The following CTNNA2 variants were observed in gnomAD, a reference collection of about 807,000 sequenced individuals.
CTNNA2 encodes catenin alpha 2.
CTNNA2 carries 42 observed loss-of-function variants against 101.0 expected under a neutral mutation model. The ratio of observed to expected loss-of-function variants is 0.42; its 90% confidence interval spans 0.32 to 0.54. The LOEUF (loss-of-function observed/expected upper bound fraction) is 0.54, where lower values mean the gene tolerates loss of function less well. Among genes scored for constraint, CTNNA2 ranks in the 20% least tolerant of loss-of-function variants. The pLI is 0.14. For synonymous variants in CTNNA2, 450 were observed against 456.4 expected, an observed-to-expected ratio of 0.99 and a Z score of 0.18; for missense variants, 871 against 1,223.1, an observed-to-expected ratio of 0.71 and a Z score of 4.29.
chr2:80,575,338 A>G (rs1343002324), intron 13 of CTNNA2: 1 of 152,184 alleles, frequency 6.6e-6, no homozygotes, highest in Non-Finnish European at 1.5e-5. Context: ...TTATTTAACC[A>G]AATGTATCCA....
chr2:79,521,886 G>T (rs935403866), intron 1 of CTNNA2, among the ~76,000 whole-genome samples: 10 of 152,042 alleles, frequency 6.6e-5, no homozygotes, highest in African/African-American at 2.4e-4. Flanking sequence ...CTGGACCCAA[G>T]GGAACAATTT....
chr2:80,179,530 C>A (rs1705625729), intron 7 of CTNNA2, among the ~76,000 whole-genome samples: 1 of 152,116 alleles, frequency 6.6e-6, no homozygotes, highest in Admixed American at 6.5e-5. Flanking sequence ...CCCGCCACCA[C>A]ACCGGGCTAA....
chr2:79,496,659 T>A (rs535435175), intron 4 of CTNNA2, among the ~76,000 whole-genome samples: 10 of 152,000 alleles, frequency 6.6e-5, no homozygotes, highest in Non-Finnish European at 1.5e-4. Context: ...TTGAATACTT[T>A]TTTATTTTCT....
chr2:80,510,679 ATTGAAAGTAAATCAAT>A (rs1406654997), intron 9 of CTNNA2, among the ~76,000 whole-genome samples: 4 of 152,230 alleles, frequency 2.6e-5, no homozygotes, highest in African/African-American at 7.2e-5. Flanking sequence ...GGCATTTGCC[ATTGAAAGTAAATCAAT>A]TTTCAGGCAA....
chr2:80,260,561 G>A lies in CTNNA2; in HGVS notation c.1057-132650G>A, dbSNP rs375811859. On this transcript the variant is annotated intron_variant, in intron 7 of 18. Coordinates refer to ENST00000402739, the MANE Select transcript of CTNNA2 (RefSeq NM_001282597.3). ...ACCTCTCTTCTTATTTGGTTATTTCGTTGTTTTGTTTTTCAACGCGAGGCT... is the reference window on the plus strand; with the variant it reads ...ACCTCTCTTCTTATTTGGTTATTTCATTGTTTTGTTTTTCAACGCGAGGCT... Among the ~76,000 whole-genome samples, 3 of 152,120 alleles carry A rather than the reference G, an allele frequency of 2.0e-5. No homozygotes were observed. In the South Asian group the frequency reaches 6.2e-4, roughly 32 times the overall value.
At chr2:79,663,939 A>G (rs973063586) in intron 2 of CTNNA2, among the ~76,000 whole-genome samples, 6 of 152,214 alleles carry the variant, frequency 3.9e-5, no homozygotes, top group African/African-American at 1.4e-4. Flanking sequence ...GTTTTCTTCT[A>G]AAGTTAGCTA....
chr2:79,367,150 G>A (rs544511559), intron 3 of CTNNA2, among the ~76,000 whole-genome samples: 16 of 152,218 alleles, frequency 1.1e-4, no homozygotes, highest in African/African-American at 2.4e-4. Flanking sequence ...CTCTACTCCC[G>A]TGCATCACAG....
At chr2:80,250,422 G>A (rs539271813) in intron 7 of CTNNA2, among the ~76,000 whole-genome samples, 5 of 152,210 alleles carry the variant, frequency 3.3e-5, no homozygotes, top group South Asian at 4.2e-4. Context: ...GGGAGTAAAC[G>A]CAAAGATAGA....
chr2:80,103,155 C>T lies in CTNNA2; in HGVS notation c.1056+193358C>T, dbSNP rs1410043898. On this transcript the variant is annotated intron_variant, in intron 7 of 18. Transcript: ENST00000402739. ...TATTAGTCCACTCCAGCCACCATAACAAAGTGCTGCAGACTTGGGGGCTTA... is the reference window on the plus strand; with the variant it reads ...TATTAGTCCACTCCAGCCACCATAATAAAGTGCTGCAGACTTGGGGGCTTA... Among the ~76,000 whole-genome samples the T allele has an allele frequency of 2.6e-5, 4 of 152,172 alleles. No individual in the cohort carries two copies. The East Asian group carries it at 7.7e-4, about 29-fold the overall frequency.
chr2:80,132,325 G>T (rs1013070273), intron 7 of CTNNA2, among the ~76,000 whole-genome samples: 1 of 152,062 alleles, frequency 6.6e-6, no homozygotes, highest in African/African-American at 2.4e-5. Context: ...GGACTTCAAG[G>T]AGTCGTAGAG....
intron 15 of CTNNA2, chr2:80,601,525 T>C (rs956902008): frequency 6.6e-6 from 1 of 151,468 alleles, no homozygotes; most frequent in East Asian, 1.9e-4. Context: ...GTTTTGATAA[T>C]TTATATTCTC....
chr2:80,615,978 G>A (rs1698818499), intron 17 of CTNNA2, among the ~76,000 whole-genome samples: 1 of 151,580 alleles, frequency 6.6e-6, no homozygotes, highest in African/African-American at 2.4e-5. Context: ...TTTCTTGAAG[G>A]CAAGCTTTCT....
intron 7 of CTNNA2, among the ~76,000 whole-genome samples, chr2:80,260,953 T>C (rs1201289999): frequency 6.6e-6 from 1 of 152,126 alleles, no homozygotes; most frequent in Non-Finnish European, 1.5e-5. Context: ...GGGAACCACA[T>C]GTGGAAGGAT....
intron 9 of CTNNA2, among the ~76,000 whole-genome samples, chr2:80,475,054 T>C (rs774820814): frequency 2.6e-5 from 4 of 152,198 alleles, no homozygotes; most frequent in Admixed American, 6.6e-5. Flanking sequence ...ACTCAACATG[T>C]TAATTTTTCT....
At position 80,114,493 on chromosome 2, in the gene CTNNA2, C is replaced by T. The variant is rs1701405503; in HGVS notation, c.1056+204696C>T. On this transcript the variant is annotated intron_variant, in intron 7 of 18. Coordinates refer to ENST00000402739, the MANE Select transcript of CTNNA2 (RefSeq NM_001282597.3). ...TCTGTGTTCCAGCCTCGTGGCCATA[C>T]CCACTGGCCATATCCTCTGCTCATC... 3.9e-5 allele frequency among the ~76,000 whole-genome samples: 6 copies of T among 152,318 alleles called. No homozygotes were observed. The South Asian group carries it at 1.2e-3, about 32-fold the overall frequency.
intron 7 of CTNNA2, among the ~76,000 whole-genome samples, chr2:80,326,929 G>C (rs1216102948): frequency 6.6e-6 from 1 of 151,932 alleles, no homozygotes; most frequent in Non-Finnish European, 1.5e-5. Context: ...CAAAAGTACT[G>C]TGCCTAGCCC....
chr2:79,571,962 T>G (rs886926627), intron 1 of CTNNA2, among the ~76,000 whole-genome samples: 2 of 152,268 alleles, frequency 1.3e-5, no homozygotes, highest in Middle Eastern at 3.4e-3. Flanking sequence ...GCCCATACTG[T>G]GATGTCTTTG....
chr2:79,408,984 T>C (rs376904503), intron 4 of CTNNA2, among the ~76,000 whole-genome samples: 2 of 151,766 alleles, frequency 1.3e-5, no homozygotes, highest in East Asian at 3.9e-4. Context: ...TTTTGATGAT[T>C]GCCATTCTAA....
At chr2:79,251,219 G>A (rs988994076) in intron 2 of CTNNA2, among the ~76,000 whole-genome samples, 2 of 152,110 alleles carry the variant, frequency 1.3e-5, no homozygotes, top group African/African-American at 4.8e-5. Context: ...TTGTACCTGC[G>A]CTTCCGAAGC....
Sources: gnomAD v4.1 joint callset for allele counts (sites outside exome capture counted in the v4.1 genomes callset) on GRCh38, gnomAD v4.1.1 for gene constraint, MANE v1.5 for transcripts, NCBI Gene and HGNC (gene_info 2026-07-23, HGNC 2026-07-21) for gene names.